Variants in ARID2 observed in about 807,000 individuals in gnomAD.
The protein encoded by ARID2 is AT-rich interaction domain 2, also known as AT-rich interactive domain-containing protein 2.
A neutral mutation model predicts 184.6 loss-of-function variants in ARID2; 32 were observed. The ratio of observed to expected loss-of-function variants is 0.17; its 90% CI spans 0.13 to 0.23. The LOEUF (loss-of-function observed/expected upper bound fraction) is 0.23. Among genes scored for constraint, ARID2 ranks in the 10% least tolerant of loss-of-function variants. The pLI is 1.00. For synonymous variants in ARID2, 836 were observed against 772.6 expected (o/e 1.08, Z -1.36); for missense variants, 1,696 against 2,197.6 (o/e 0.77, Z 4.56).
chr12:45,903,770 C>CT (rs1944486861), intron 20 of ARID2, among the ~76,000 whole-genome samples: 1 of 151,990 alleles, frequency 6.6e-6, no homozygotes, highest in Non-Finnish European at 1.5e-5. Context: ...TTCATCTTCT[C>CT]TTTTTTTCTC....
chr12:45,832,368 A>T (rs577594556), intron 6 of ARID2, among the ~76,000 whole-genome samples: 10 of 152,170 alleles, frequency 6.6e-5, no homozygotes, highest in East Asian at 5.8e-4. Flanking sequence ...TGCTTATTTT[A>T]CTTGGGGTTC....
At chr12:45,836,513 G>C (rs1353643518) in intron 6 of ARID2, 76 bp from the exon 7 acceptor site, 2 of 1,377,466 alleles carry the variant, frequency 1.5e-6, no homozygotes, top group Non-Finnish European at 2.0e-6. Context: ...ACCATACCTA[G>C]CCTGTGTGTG....
chr12:45,885,201 T>C (rs1469241465), intron 16 of ARID2, among the ~76,000 whole-genome samples: 3 of 152,020 alleles, frequency 2.0e-5, no homozygotes, highest in African/African-American at 7.2e-5. Flanking sequence ...TATATAATAA[T>C]GCTTGCCCTT....
chr12:45,748,833 A>G (rs1479923214), intron 3 of ARID2, among the ~76,000 whole-genome samples: 1 of 151,978 alleles, frequency 6.6e-6, no homozygotes, highest in East Asian at 1.9e-4. Context: ...GGAACTCCTC[A>G]TTAATTCAGG....
chr12:45,860,379 A>C (rs537337879), intron 15 of ARID2, among the ~76,000 whole-genome samples: 16 of 152,346 alleles, frequency 1.1e-4, no homozygotes, highest in Non-Finnish European at 1.8e-4. Flanking sequence ...TTCACATTAT[A>C]TTCTTTAGAA....
At chr12:45,753,894 C>G (rs1267744972) in intron 3 of ARID2, among the ~76,000 whole-genome samples, 1 of 152,142 alleles carries the variant, frequency 6.6e-6, no homozygotes, top group African/African-American at 2.4e-5. Flanking sequence ...ATAACAACAA[C>G]TTGCTTACCC....
chr12:45,855,379 T>C (rs1943628217), intron 15 of ARID2, among the ~76,000 whole-genome samples: 1 of 152,186 alleles, frequency 6.6e-6, no homozygotes, highest in Non-Finnish European at 1.5e-5. Flanking sequence ...AAAACTGATA[T>C]TTGGTTGTCT....
rs1296408535 is a variant in ARID2 at position 45,833,186 on chromosome 12, G to GT, written c.706-3396dup. On this transcript the variant is annotated intron_variant, in intron 6 of 20. Coordinates refer to ENST00000334344, the MANE Select transcript of ARID2 (RefSeq NM_152641.4). ...TGGTCCCCAAGTTATGATAAACTTAGTTTTTTTGACTTTACTATGGTTTTA... is the reference window on the plus strand; with the variant it reads ...TGGTCCCCAAGTTATGATAAACTTAGTTTTTTTTGACTTTACTATGGTTTTA... 7.9e-5 allele frequency among the ~76,000 whole-genome samples: 12 copies of GT among 152,148 alleles called. No homozygotes were observed. In the East Asian group the frequency reaches 1.4e-3, roughly 17 times the overall value.
intron 6 of ARID2, among the ~76,000 whole-genome samples, chr12:45,833,804 C>T (rs1474049928): frequency 1.3e-5 from 2 of 152,142 alleles, no homozygotes; most frequent in African/African-American, 4.8e-5. Flanking sequence ...TAATTGTTCT[C>T]TCCAGTTTTT....
At chr12:45,872,312 T>A (rs936928644) in intron 16 of ARID2, among the ~76,000 whole-genome samples, 9 of 152,200 alleles carry the variant, frequency 5.9e-5, no homozygotes, top group Admixed American at 5.9e-4. Flanking sequence ...ATTATGATTA[T>A]GTTGTATTTT....
chr12:45,798,373 A>G (rs1181356442), intron 3 of ARID2, among the ~76,000 whole-genome samples: 2 of 152,232 alleles, frequency 1.3e-5, no homozygotes, highest in Non-Finnish European at 2.9e-5. Context: ...GGCTAATTTC[A>G]GAAGAGATAT....
intron 6 of ARID2, among the ~76,000 whole-genome samples, chr12:45,825,419 A>G (rs1262253471): frequency 2.0e-5 from 3 of 152,128 alleles, no homozygotes; most frequent in Non-Finnish European, 4.4e-5. Context: ...AATTTGTATT[A>G]AAAGGGAGTC....
At position 45,812,766 on chromosome 12, in the gene ARID2, C is replaced by T. The variant is rs373579393; in HGVS notation, c.418+1215C>T. On this transcript the variant is annotated intron_variant, in intron 4 of 20. Transcript: ENST00000334344. ...GATGTTAAAAAAGATACTCCTACAT[C>T]GAATGAGATGTTGTGCTAATGACCT... Among the ~76,000 whole-genome samples the T allele has an allele frequency of 2.3e-3, 344 of 152,272 alleles. 12 individuals carry two copies. In the South Asian group the frequency reaches 0.067, roughly 30 times the overall value.
intron 3 of ARID2, among the ~76,000 whole-genome samples, chr12:45,808,138 T>G (rs1348174201): frequency 6.6e-6 from 1 of 152,214 alleles, no homozygotes; most frequent in Non-Finnish European, 1.5e-5. Context: ...ATTTGTAGTT[T>G]AATGGGTGAA....
rs1351902786 is a variant in ARID2, at chr12:45,850,371, G to A, written c.2248G>A (p.Gly750Arg). The A allele has an allele frequency of 6.2e-7, 1 of 1,613,954 alleles. No homozygotes were observed. Among genetic ancestry groups the A allele is most frequent in the Non-Finnish European group, 8.5e-7 (1 of 1,180,000 alleles). The change falls in exon 15 of 21, where the codon GGG (glycine) becomes AGG (arginine). Residue 750 changes from glycine (G) to arginine (R), a missense_variant. Transcript: ENST00000334344. The stretch of plus-strand genomic sequence containing the variant: ...TTCTGTTGTTCAGAATCATAGTACA[G>A]GGCCACAACCTGTTACAGTTGTGAA... ...QSSVVQNHST[G>R]PQPVTVVNSQ...
intron 3 of ARID2, among the ~76,000 whole-genome samples, chr12:45,747,525 T>C (rs761391644): frequency 6.6e-6 from 1 of 152,156 alleles, no homozygotes; most frequent in East Asian, 1.9e-4. Context: ...GTAGCTGAAC[T>C]GAATTAGGAT....
At chr12:45,754,569 A>G (rs537127870) in intron 3 of ARID2, among the ~76,000 whole-genome samples, 2 of 152,166 alleles carry the variant, frequency 1.3e-5, no homozygotes, top group African/African-American at 2.4e-5. Context: ...ATTGCCTGAC[A>G]TACTCCTACC....
intron 6 of ARID2, among the ~76,000 whole-genome samples, chr12:45,833,883 T>C (rs541178677): frequency 3.2e-4 from 48 of 152,318 alleles, no homozygotes; most frequent in African/African-American, 1.1e-3. Flanking sequence ...TCAAAGTATA[T>C]GTATGTAGAT....
intron 3 of ARID2, among the ~76,000 whole-genome samples, chr12:45,758,884 T>C (rs559633189): frequency 7.5e-4 from 114 of 152,336 alleles, no homozygotes; most frequent in South Asian, 1.0e-3. Flanking sequence ...CTGGGAAATG[T>C]AGTCTTTGAG....
Sources: gnomAD v4.1 joint callset for allele counts (sites outside exome capture counted in the v4.1 genomes callset) on GRCh38, gnomAD v4.1.1 for gene constraint, MANE v1.5 for transcripts, NCBI Gene and HGNC (gene_info 2026-07-23, HGNC 2026-07-21) for gene names.